ZFX: variants seen among roughly 807,000 people sequenced by gnomAD.
ZFX encodes zinc finger X-chromosomal protein.
For synonymous variants in ZFX, 196 were observed against 226.8 expected, an observed-to-expected ratio of 0.86 and a Z score of 1.22; for missense variants, 362 against 628.3, an observed-to-expected ratio of 0.58 and a Z score of 4.53.
At chrX:24,182,324 A>G (rs1935752622) in intron 5 of ZFX, among the ~76,000 whole-genome samples, 1 of 111,626 alleles carries the variant, frequency 9.0e-6, no homozygotes, top group South Asian at 3.7e-4. Context: ...ATATATGGAA[A>G]TGGATGGTAG....
chrX:24,170,790 T>C (rs1256217491), intron 3 of ZFX, among the ~76,000 whole-genome samples: 4 of 108,893 alleles, frequency 3.7e-5, no homozygotes, highest in Non-Finnish European at 7.6e-5. Context: ...TTTTTGTATC[T>C]TAGTAGAGGA....
At chrX:24,174,663 G>A (rs984613904) in intron 4 of ZFX, among the ~76,000 whole-genome samples, 3 of 110,686 alleles carry the variant, frequency 2.7e-5, no homozygotes, top group Non-Finnish European at 3.8e-5. Flanking sequence ...AAAGTGCTGG[G>A]ATTACAGGGG....
intron 4 of ZFX, among the ~76,000 whole-genome samples, chrX:24,173,940 A>T (rs1487899285): frequency 1.8e-5 from 2 of 110,250 alleles, no homozygotes; most frequent in East Asian, 5.8e-4. Flanking sequence ...GCCAGACACG[A>T]TGGCTCGCAC....
At chrX:24,155,386 A>G (rs1029493541) in intron 3 of ZFX, among the ~76,000 whole-genome samples, 10 of 111,653 alleles carry the variant, frequency 9.0e-5, no homozygotes, top group African/African-American at 3.3e-4. Flanking sequence ...TACTGATTCC[A>G]TTCATTTTAT....
intron 3 of ZFX, among the ~76,000 whole-genome samples, chrX:24,164,674 G>GAATATTCTTAAAC (rs1933821264): frequency 9.0e-6 from 1 of 111,378 alleles, no homozygotes; most frequent in Non-Finnish European, 1.9e-5. Flanking sequence ...CCTCACACCT[G>GAATATTCTTAAAC]TAATCCCAGC....
At chrX:24,191,992 G>A in intron 5 of ZFX, among the ~76,000 whole-genome samples, 1 of 111,986 alleles carries the variant, frequency 8.9e-6, no homozygotes, top group East Asian at 2.8e-4. Context: ...GAGCCACCAA[G>A]CCCGGCCTTC....
At chrX:24,153,854 T>G (rs994991294) in intron 3 of ZFX, among the ~76,000 whole-genome samples, 33 of 111,532 alleles carry the variant, frequency 3.0e-4, no homozygotes, top group African/African-American at 9.1e-4. Flanking sequence ...GTACAGAGAA[T>G]TCTACGTAGT....
chrX:24,156,901 A>G (rs1932827430), intron 3 of ZFX, among the ~76,000 whole-genome samples: 1 of 110,651 alleles, frequency 9.0e-6, no homozygotes. Flanking sequence ...TGATCTGCCC[A>G]CCTCGGCCTC....
intron 8 of ZFX, among the ~76,000 whole-genome samples, chrX:24,208,623 C>T (rs1009868673): frequency 3.6e-5 from 4 of 112,061 alleles, no homozygotes; most frequent in Admixed American, 9.5e-5. Flanking sequence ...AAGTTTTCAT[C>T]TTGATTATGT....
In ZFX at chrX:24,207,852, TTAAG is replaced by T. The variant is rs774321880; in HGVS notation, c.940+4_940+7del. On this transcript the variant is annotated splice_donor_variant and coding_sequence_variant, in exon 7 of 10. Coordinates refer to ENST00000304543, the MANE Select transcript of ZFX (RefSeq NM_003410.4). LOFTEE classifies it high-confidence loss of function. Reference sequence around the variant, plus strand: ...TGACTCTCAGCCAGAAGATGAAGATTTAAGTAAGTAGGTGGCCTTTTTGTGGGAG... The same window carrying T: ...TGACTCTCAGCCAGAAGATGAAGATTTAAGTAGGTGGCCTTTTTGTGGGAG... 1 of 1,209,138 alleles carries T rather than the reference TTAAG, an allele frequency of 8.3e-7. No individual in the cohort carries two copies. Among genetic ancestry groups the T allele is most frequent in the Admixed American group, 2.2e-5 (1 of 45,458 alleles).
intron 5 of ZFX, among the ~76,000 whole-genome samples, chrX:24,180,104 C>T (rs1414081059): frequency 1.8e-5 from 2 of 109,310 alleles, no homozygotes; most frequent in Non-Finnish European, 3.8e-5. Context: ...TGGTGGTGGG[C>T]GCCTGTAATC....
At chrX:24,173,445 G>A (rs1413996315) in intron 4 of ZFX, among the ~76,000 whole-genome samples, 1 of 111,322 alleles carries the variant, frequency 9.0e-6, no homozygotes, top group African/African-American at 3.3e-5. Context: ...GGAAGATGGA[G>A]TCTTCACTCC....
chrX:24,150,871 C>G (rs998274770), intron 1 of ZFX: 1 of 112,477 alleles, frequency 8.9e-6, no homozygotes, highest in African/African-American at 3.2e-5. Flanking sequence ...AAAAAAATTG[C>G]ACAACACGAG....
chrX:24,182,896 G>GA (rs1420667679), intron 5 of ZFX, among the ~76,000 whole-genome samples: 1 of 111,608 alleles, frequency 9.0e-6, no homozygotes, highest in African/African-American at 3.3e-5. Flanking sequence ...AAGTCCTGGA[G>GA]AGGGAAAGTG....
intron 9 of ZFX, 67 bp from the exon 10 acceptor site, chrX:24,210,126 A>G (rs1034347237): frequency 6.7e-6 from 8 of 1,192,284 alleles, no homozygotes; most frequent in African/African-American, 5.3e-5. Context: ...CCCACACTTT[A>G]TATTCGCAAA....
chrX:24,161,866 G>C (rs1933368282), intron 3 of ZFX: 1 of 105,973 alleles, frequency 9.4e-6, no homozygotes, highest in Non-Finnish European at 1.9e-5. Flanking sequence ...TGTCTGCCTA[G>C]CTTTTGTATT....
chrX:24,196,261 C>T (rs1936914334), intron 5 of ZFX, among the ~76,000 whole-genome samples: 1 of 110,986 alleles, frequency 9.0e-6, no homozygotes, highest in South Asian at 3.8e-4. Flanking sequence ...TACAGGAATG[C>T]ACCAACACGC....
In ZFX at chrX:24,179,348, A is replaced by G; in HGVS notation, c.224A>G (p.Asp75Gly). ...QDVIEDVVIE[D>G]VQCPDIMEEA... ...GTTATTGAGGACGTTGTTATAGAAG[A>G]TGTTCAGTGCCCAGATATCATGGAA... Residue 75 changes from aspartate (D) to glycine (G), a missense_variant, in exon 5 of 10, where the codon GAT becomes GGT. Transcript: ENST00000304543. 5.0e-6 allele frequency: 6 copies of G among 1,212,094 alleles called. No homozygotes were observed. Among genetic ancestry groups the G allele is most frequent in the Non-Finnish European group, 6.7e-6 (6 of 895,627 alleles).
chrX:24,164,175 C>T (rs1933764498), intron 3 of ZFX, among the ~76,000 whole-genome samples: 1 of 111,057 alleles, frequency 9.0e-6, no homozygotes, highest in African/African-American at 3.3e-5. Flanking sequence ...GTTGCTGATA[C>T]TCAACCTGGA....
Sources: allele counts gnomAD v4.1 joint callset (sites outside exome capture counted in the v4.1 genomes callset), GRCh38; gene constraint gnomAD v4.1.1; transcripts MANE v1.5; gene names NCBI Gene and HGNC (gene_info 2026-07-23, HGNC 2026-07-21).